Variants in NDRG1 observed in about 807,000 individuals in gnomAD.
The protein encoded by NDRG1 is protein NDRG1.
Under a neutral mutation model 56.9 loss-of-function variants are expected in NDRG1, and 32 were observed. The ratio of observed to expected loss-of-function variants is 0.56; its 90% CI spans 0.42 to 0.76. NDRG1 has a LOEUF of 0.76. Among genes scored for constraint, NDRG1 ranks in the 30% least tolerant of loss-of-function variants. The pLI is 0.00. For missense variants in NDRG1, 507 were observed against 545.7 expected (o/e 0.93, Z 0.71); for synonymous variants, 211 against 204.1 (o/e 1.03, Z -0.29).
At chr8:133,239,962 A>G (rs1855290708) in intron 15 of NDRG1, 1 of 152,256 alleles carries the variant, frequency 6.6e-6, no homozygotes, top group East Asian at 1.9e-4. Context: ...TTATAGAAAC[A>G]GCACACAGGG....
intron 3 of NDRG1, among the ~76,000 whole-genome samples, chr8:133,268,790 C>T (rs192988777): frequency 5.1e-4 from 78 of 152,148 alleles, no homozygotes; most frequent in African/African-American, 1.7e-3. Flanking sequence ...TCCTGGCCCC[C>T]CAGCACACAC....
intron 3 of NDRG1, among the ~76,000 whole-genome samples, chr8:133,278,393 T>A (rs1401201000): frequency 6.6e-6 from 1 of 152,108 alleles, no homozygotes; most frequent in East Asian, 1.9e-4. Context: ...TCCCCAGCTG[T>A]AAAATGAAGG....
intron 2 of NDRG1, among the ~76,000 whole-genome samples, chr8:133,281,576 CTG>C (rs1245202596): frequency 7.2e-6 from 1 of 138,916 alleles, no homozygotes; most frequent in African/African-American, 2.6e-5. Flanking sequence ...AGTCCCAACA[CTG>C]TGAAAACTGA....
At chr8:133,283,874 T>C (rs1389381865) in intron 2 of NDRG1, among the ~76,000 whole-genome samples, 2 of 152,214 alleles carry the variant, frequency 1.3e-5, no homozygotes. Context: ...GCATGTTCTA[T>C]AACCACAGAA....
At chr8:133,272,999 A>G (rs1857271257) in intron 3 of NDRG1, among the ~76,000 whole-genome samples, 1 of 152,196 alleles carries the variant, frequency 6.6e-6, no homozygotes, top group Non-Finnish European at 1.5e-5. Context: ...ATGGGATTGT[A>G]CATCCCTAAG....
At chr8:133,280,403 C>A in intron 2 of NDRG1, 136 bp from the exon 3 acceptor site, 5 of 711,890 alleles carry the variant, frequency 7.0e-6, no homozygotes, top group East Asian at 2.8e-5. Flanking sequence ...TAATTCCTCA[C>A]AAAGGCAGGC....
chr8:133,264,163 G>A (rs937087903), intron 4 of NDRG1, among the ~76,000 whole-genome samples: 3 of 152,180 alleles, frequency 2.0e-5, no homozygotes, highest in Admixed American at 6.5e-5. Context: ...TCAATGAAGG[G>A]TCAGTCATCT....
At chr8:133,246,140 G>A (rs766584827) in intron 13 of NDRG1, among the ~76,000 whole-genome samples, 1 of 152,284 alleles carries the variant, frequency 6.6e-6, no homozygotes, top group Non-Finnish European at 1.5e-5. Flanking sequence ...TTTGCATTGT[G>A]CAATCAGTCA....
intron 3 of NDRG1, among the ~76,000 whole-genome samples, chr8:133,275,826 G>A (rs541926190): frequency 5.3e-5 from 8 of 152,270 alleles, no homozygotes; most frequent in Admixed American, 2.0e-4. Context: ...CTCTCTCTCC[G>A]TAGGATGGGG....
intron 5 of NDRG1, among the ~76,000 whole-genome samples, chr8:133,260,108 C>T (rs781554576): frequency 1.3e-5 from 2 of 152,216 alleles, no homozygotes; most frequent in African/African-American, 2.4e-5. Context: ...GAGCCAGCAG[C>T]TCCTAAGGTG....
intron 9 of NDRG1, among the ~76,000 whole-genome samples, chr8:133,251,351 G>A (rs1272545815): frequency 2.0e-5 from 3 of 152,354 alleles, no homozygotes; most frequent in South Asian, 4.1e-4. Context: ...AGCTTGAGCT[G>A]CATCAAACAG....
chr8:133,239,574 G>C (rs777335787), intron 15 of NDRG1: 45 of 201,772 alleles, frequency 2.2e-4, no homozygotes, highest in Non-Finnish European at 3.8e-4. Context: ...GTGGGGAAAG[G>C]GAGAGGGGCC....
At position 133,238,566 on chromosome 8, in the gene NDRG1, C is replaced by T; in HGVS notation, c.*312G>A. 2.1e-6 allele frequency: 1 copy of T among 474,456 alleles called. No individual in the cohort carries two copies. The highest frequency in any genetic ancestry group is 3.8e-6 in the Non-Finnish European group (1 of 265,402). 29.4% of individuals were successfully genotyped at this position (474,456 alleles called of 1,614,324 possible). On this transcript the variant is annotated 3_prime_UTR_variant, in exon 16 of 16. Transcript: ENST00000323851. ...GCTTGGCTTTGTGAAGTGTGTGCTG[C>T]TACGCGTCTTGTTTTTGGCAGTTTG...
chr8:133,253,155 C>T (rs1460984746), intron 9 of NDRG1, among the ~76,000 whole-genome samples: 4 of 152,204 alleles, frequency 2.6e-5, no homozygotes, highest in Non-Finnish European at 1.5e-5. Context: ...GGTAGCTGGC[C>T]CCAGCTAGAG....
chr8:133,275,588 G>A (rs1023895520), intron 3 of NDRG1, among the ~76,000 whole-genome samples: 3 of 152,096 alleles, frequency 2.0e-5, no homozygotes, highest in African/African-American at 4.8e-5. Context: ...CAGCACCCCA[G>A]CCATGCCCTA....
At chr8:133,252,563 A>G (rs1856115431) in intron 9 of NDRG1, among the ~76,000 whole-genome samples, 1 of 129,432 alleles carries the variant, frequency 7.7e-6, no homozygotes, top group Non-Finnish European at 1.8e-5. Context: ...CCCCTGGTAC[A>G]CTCGCCAACT....
chr8:133,247,744 T>C (rs1308340401), intron 12 of NDRG1, 131 bp downstream of exon 12: 8 of 979,538 alleles, frequency 8.2e-6, no homozygotes, highest in Non-Finnish European at 1.3e-5. Flanking sequence ...AAGGCCAATA[T>C]GGCATTTCAA....
chr8:133,247,807 C>G lies in NDRG1; in HGVS notation c.807+68G>C, dbSNP rs376297412. ...AGGAGAGGAGGGGCAGGCAGGGCCA[C>G]TTCAACAAAGTCAACCAGACTTTGC... On this transcript the variant is annotated intron_variant, in intron 12 of 15. Coordinates refer to ENST00000323851, the MANE Select transcript of NDRG1 (RefSeq NM_006096.4). The G allele has an allele frequency of 3.6e-5, 56 of 1,559,474 alleles. No individual in the cohort carries two copies. In the East Asian group the frequency reaches 7.6e-4, roughly 21 times the overall value.
chr8:133,241,648 C>T (rs1855387326), intron 15 of NDRG1: 1 of 345,174 alleles, frequency 2.9e-6, no homozygotes, highest in African/African-American at 2.1e-5. Flanking sequence ...CTTTCATCAT[C>T]ATCGACACCA....
Sources: allele counts gnomAD v4.1 joint callset (sites outside exome capture counted in the v4.1 genomes callset), GRCh38; gene constraint gnomAD v4.1.1; transcripts MANE v1.5; gene names NCBI Gene and HGNC (gene_info 2026-07-23, HGNC 2026-07-21).